PCDH15: variants seen among roughly 807,000 people sequenced by gnomAD.
The protein encoded by PCDH15 is protocadherin-15.
Under a neutral mutation model 178.5 loss-of-function variants are expected in PCDH15, and 129 were observed. The observed-to-expected ratio is 0.72, with a 90% confidence interval of 0.63 to 0.84. The LOEUF (loss-of-function observed/expected upper bound fraction) is 0.84. PCDH15 is among the 40% of genes least tolerant of loss of function. The pLI is 0.00. For synonymous variants in PCDH15, 800 were observed against 732.0 expected, an observed-to-expected ratio of 1.09 and a Z score of -1.50; for missense variants, 2,230 against 2,099.9, an observed-to-expected ratio of 1.06 and a Z score of -1.21.
chr10:54,119,907 T>G (rs2095185407), intron 15 of PCDH15, among the ~76,000 whole-genome samples: 1 of 152,122 alleles, frequency 6.6e-6, no homozygotes, highest in African/African-American at 2.4e-5. Context: ...TATCTCCTAA[T>G]GTTATCCCTC....
chr10:55,600,585 G>A (rs1427674007), intron 2 of PCDH15, among the ~76,000 whole-genome samples: 2 of 152,122 alleles, frequency 1.3e-5, no homozygotes, highest in Non-Finnish European at 2.9e-5. Flanking sequence ...CCTAAATGGT[G>A]TAGCCGCTAT....
At chr10:55,050,572 G>A (rs1429514627) in intron 2 of PCDH15, among the ~76,000 whole-genome samples, 1 of 151,990 alleles carries the variant, frequency 6.6e-6, no homozygotes, top group Non-Finnish European at 1.5e-5. Flanking sequence ...AGCTAAAAGT[G>A]CATCAAAAGA....
At chr10:55,090,303 A>T (rs544483956) in intron 2 of PCDH15, among the ~76,000 whole-genome samples, 1 of 152,202 alleles carries the variant, frequency 6.6e-6, no homozygotes, top group East Asian at 1.9e-4. Flanking sequence ...TACAATATTC[A>T]TTTCAGCACA....
chr10:54,800,522 C>T (rs1952559912), intron 1 of PCDH15, among the ~76,000 whole-genome samples: 1 of 152,146 alleles, frequency 6.6e-6, no homozygotes. Flanking sequence ...AACAAATCAT[C>T]AATATTTGCA....
chr10:54,230,834 G>A (rs1432656805), intron 9 of PCDH15, among the ~76,000 whole-genome samples: 1 of 151,932 alleles, frequency 6.6e-6, no homozygotes, highest in Non-Finnish European at 1.5e-5. Flanking sequence ...TCATCTATAT[G>A]ATATTTAATA....
chr10:54,581,845 A>C (rs2091075210), intron 2 of PCDH15, among the ~76,000 whole-genome samples: 1 of 152,112 alleles, frequency 6.6e-6, no homozygotes, highest in Admixed American at 6.6e-5. Context: ...ATGGTACTCA[A>C]AAACTGGCTA....
intron 20 of PCDH15, among the ~76,000 whole-genome samples, chr10:54,009,413 G>A (rs1448143132): frequency 6.6e-6 from 1 of 151,992 alleles, no homozygotes; most frequent in Non-Finnish European, 1.5e-5. Flanking sequence ...TTCCAAGGTA[G>A]TTTAGAGGTG....
At chr10:55,513,692 A>G (rs1181536950) in intron 2 of PCDH15, among the ~76,000 whole-genome samples, 3 of 152,090 alleles carry the variant, frequency 2.0e-5, no homozygotes, top group Admixed American at 1.3e-4. Flanking sequence ...TGTAGAAATA[A>G]TAGTAGCTAT....
chr10:54,169,011 T>C (rs1457182728), intron 13 of PCDH15, among the ~76,000 whole-genome samples: 3 of 152,094 alleles, frequency 2.0e-5, no homozygotes, highest in Non-Finnish European at 4.4e-5. Context: ...CAGAACCTCC[T>C]CCCACAGGAG....
chr10:54,148,977 T>A (rs1275586570), intron 14 of PCDH15, among the ~76,000 whole-genome samples: 1 of 152,124 alleles, frequency 6.6e-6, no homozygotes, highest in Non-Finnish European at 1.5e-5. Context: ...GAAAATTAAA[T>A]TTTCTGTGGC....
chr10:54,748,636 G>A (rs1168558106), intron 1 of PCDH15, among the ~76,000 whole-genome samples: 3 of 152,260 alleles, frequency 2.0e-5, no homozygotes, highest in East Asian at 1.9e-4. Flanking sequence ...ATTGTAAAGT[G>A]TGCGAAAAAA....
At chr10:55,608,539 A>G (rs1467012056) in intron 2 of PCDH15, among the ~76,000 whole-genome samples, 2 of 151,820 alleles carry the variant, frequency 1.3e-5, no homozygotes, top group Non-Finnish European at 2.9e-5. Flanking sequence ...AGCTATAGAT[A>G]TCCATAAGTA....
chr10:54,368,591 ATAC>A (rs1196994011), intron 5 of PCDH15, among the ~76,000 whole-genome samples: 1 of 152,194 alleles, frequency 6.6e-6, no homozygotes, highest in African/African-American at 2.4e-5. Flanking sequence ...AAAAGTTACA[ATAC>A]TACTTTTTAA....
At chr10:54,746,187 C>T (rs894606391) in intron 1 of PCDH15, among the ~76,000 whole-genome samples, 1 of 152,160 alleles carries the variant, frequency 6.6e-6, no homozygotes, top group Non-Finnish European at 1.5e-5. Context: ...TGTTTAACAG[C>T]ATCCTGGCCT....
intron 2 of PCDH15, among the ~76,000 whole-genome samples, chr10:55,120,413 C>A (rs975837753): frequency 1.3e-5 from 2 of 152,046 alleles, no homozygotes; most frequent in South Asian, 2.1e-4. Flanking sequence ...ATGAGAAGAC[C>A]AGGAAGAGTC....
At position 54,183,587 on chromosome 10, in the gene PCDH15, C is replaced by T; in HGVS notation, c.1447G>A (p.Ala483Thr). Residue 483 changes from alanine (A) to threonine (T), a missense_variant, in exon 13 of 38, where the codon GCA becomes ACA. Physicochemically the swap from Ala to Thr is moderately conservative, Grantham distance 58. Coordinates refer to ENST00000644397, the MANE Select transcript of PCDH15 (RefSeq NM_001384140.1). ...EQQTYTFSIT[A>T]FDGVQESEPV... ...TCACTTTCTTGTACACCATCAAATG[C>T]TGTTATCTTTGGGAGGAGAAAAATA... The T allele has an allele frequency of 6.2e-7, 1 of 1,613,864 alleles. No individual in the cohort carries two copies. Among genetic ancestry groups the T allele is most frequent in the Non-Finnish European group, 8.5e-7 (1 of 1,179,956 alleles).
chr10:55,565,657 A>AC (rs1842287024), intron 2 of PCDH15, among the ~76,000 whole-genome samples: 1 of 151,662 alleles, frequency 6.6e-6, no homozygotes, highest in Non-Finnish European at 1.5e-5. Flanking sequence ...GAAAATGGTG[A>AC]CTTTGCTATC....
chr10:54,166,232 G>C (rs760630894), intron 13 of PCDH15, among the ~76,000 whole-genome samples: 2 of 152,066 alleles, frequency 1.3e-5, no homozygotes, highest in South Asian at 4.1e-4. Flanking sequence ...ATGAATTCTC[G>C]TTAGTGCTCT....
At chr10:55,614,088 C>T (rs1464900256) in intron 2 of PCDH15, among the ~76,000 whole-genome samples, 2 of 149,220 alleles carry the variant, frequency 1.3e-5, no homozygotes, top group African/African-American at 2.5e-5. Context: ...CAATCCAGCC[C>T]GGGCAACAGA....
Sources: allele counts gnomAD v4.1 joint callset (sites outside exome capture counted in the v4.1 genomes callset), GRCh38; gene constraint gnomAD v4.1.1; transcripts MANE v1.5; gene names NCBI Gene and HGNC (gene_info 2026-07-23, HGNC 2026-07-21).